The following SLCO3A1 variants were observed in gnomAD, a reference collection of about 807,000 sequenced individuals.
SLCO3A1 encodes the protein solute carrier organic anion transporter family member 3A1, also known as PGE1 transporter.
In SLCO3A1, 27 loss-of-function variants were observed where a neutral mutation model predicts 63.1. The observed-to-expected ratio is 0.43, with a 90% confidence interval of 0.32 to 0.59. SLCO3A1 has a LOEUF of 0.59. Among genes scored for constraint, SLCO3A1 ranks in the 20% least tolerant of loss-of-function variants. The probability of loss-of-function intolerance (pLI) is 0.09; values close to 1 mark genes in which losing one functional copy is unlikely to be tolerated. For missense variants in SLCO3A1, 773 were observed against 945.8 expected (o/e 0.82, Z 2.40); for synonymous variants, 473 against 409.9 (o/e 1.15, Z -1.86).
intron 1 of SLCO3A1, among the ~76,000 whole-genome samples, chr15:91,891,387 TCTTACCACTG>T (rs1289891422): frequency 6.6e-6 from 1 of 152,172 alleles, no homozygotes; most frequent in Non-Finnish European, 1.5e-5. Flanking sequence ...AGACCAATTC[TCTTACCACTG>T]CTTGAATCTC....
chr15:92,103,368 G>A (rs531072840), intron 3 of SLCO3A1, among the ~76,000 whole-genome samples: 1 of 152,188 alleles, frequency 6.6e-6, no homozygotes, highest in Non-Finnish European at 1.5e-5. Context: ...AGGGTAAGCT[G>A]AAGTTTATGT....
At chr15:92,140,676 A>C in intron 7 of SLCO3A1, among the ~76,000 whole-genome samples, 1 of 152,140 alleles carries the variant, frequency 6.6e-6, no homozygotes, top group East Asian at 1.9e-4. Flanking sequence ...TATTGGGTGC[A>C]TATATATTTA....
rs945508314 is a variant in SLCO3A1, at chr15:91,897,274, T to G, written c.181-18719T>G. Among the ~76,000 whole-genome samples the G allele has an allele frequency of 6.6e-6, 1 of 152,090 alleles. No individual in the cohort carries two copies. The highest frequency in any genetic ancestry group is 2.4e-5 in the African/African-American group (1 of 41,404). On this transcript the variant is annotated intron_variant, in intron 1 of 9. Transcript: ENST00000318445. This position sits in a 1 kb window ranked among gnomAD's most constrained non-coding sequence, Gnocchi z 4.7. ...AGCCTGGCCAACATGGTGGCCAGTTTAGTAGAGATGGGGATCTCTACTAAA... is the reference window on the plus strand; with the variant it reads ...AGCCTGGCCAACATGGTGGCCAGTTGAGTAGAGATGGGGATCTCTACTAAA...
intron 2 of SLCO3A1, among the ~76,000 whole-genome samples, chr15:92,031,797 A>C (rs2046652627): frequency 6.6e-6 from 1 of 152,164 alleles, no homozygotes; most frequent in Non-Finnish European, 1.5e-5. Context: ...CTTTCTCTGT[A>C]TTATAAATGA....
intron 9 of SLCO3A1, among the ~76,000 whole-genome samples, chr15:92,151,724 A>AAGATAACTTTTTTCCTTGAATAATAGG (rs2048308560): frequency 6.6e-6 from 1 of 152,222 alleles, no homozygotes; most frequent in Non-Finnish European, 1.5e-5. Context: ...GGCCAAGATC[A>AAGATAACTTTTTTCCTTGAATAATAGG]AGATAACTTT....
At chr15:91,861,635 T>C (rs1035069792) in intron 1 of SLCO3A1, among the ~76,000 whole-genome samples, 1 of 152,126 alleles carries the variant, frequency 6.6e-6, no homozygotes, top group African/African-American at 2.4e-5. Context: ...GCCCCACTTT[T>C]GTTGTTGTTG....
intron 1 of SLCO3A1, chr15:91,889,127 G>A (rs1376485022): frequency 1.7e-5 from 21 of 1,266,534 alleles, no homozygotes; most frequent in Admixed American, 1.2e-4. Flanking sequence ...CTAAGTGGAC[G>A]TGGATGGTTT....
At chr15:92,095,226 C>T (rs182878388) in intron 3 of SLCO3A1, among the ~76,000 whole-genome samples, 71 of 152,348 alleles carry the variant, frequency 4.7e-4, no homozygotes, top group African/African-American at 1.6e-3. Flanking sequence ...TGATTTTACT[C>T]CTCAAATCTG....
At chr15:92,113,032 G>A (rs2047748503) in intron 4 of SLCO3A1, among the ~76,000 whole-genome samples, 1 of 152,216 alleles carries the variant, frequency 6.6e-6, no homozygotes, top group African/African-American at 2.4e-5. Context: ...CTGGAGTAGT[G>A]AAAGCAGTTG....
At chr15:92,016,229 A>ATAGATAGAT (rs1555424401) in intron 2 of SLCO3A1, among the ~76,000 whole-genome samples, 4 of 79,092 alleles carry the variant, frequency 5.1e-5, no homozygotes, top group Non-Finnish European at 9.3e-5. Context: ...AGATAGATAG[A>ATAGATAGAT]TAGATAGATA....
At chr15:92,126,817 C>T (rs2047930125) in intron 6 of SLCO3A1, among the ~76,000 whole-genome samples, 1 of 152,158 alleles carries the variant, frequency 6.6e-6, no homozygotes, top group African/African-American at 2.4e-5. Context: ...GTGAGAATTG[C>T]CCTTAGAGGG....
Position 91,968,992 on chromosome 15 carries a change from G to A in SLCO3A1, c.646+52534G>A, listed in dbSNP as rs989240303. ...GCCTCCACCTACCTCCAACACAAGAGTTTGCTAACAGGTCCACACTGTGTT... is the reference window on the plus strand; with the variant it reads ...GCCTCCACCTACCTCCAACACAAGAATTTGCTAACAGGTCCACACTGTGTT... On this transcript the variant is annotated intron_variant, in intron 2 of 9. Coordinates refer to ENST00000318445, the MANE Select transcript of SLCO3A1 (RefSeq NM_013272.4). This position sits in a 1 kb window ranked among gnomAD's most constrained non-coding sequence, Gnocchi z 4.2. Among the ~76,000 whole-genome samples the A allele has an allele frequency of 6.6e-6, 1 of 152,152 alleles. No individual in the cohort carries two copies. The highest frequency in any genetic ancestry group is 6.5e-5 in the Admixed American group (1 of 15,284).
intron 2 of SLCO3A1, among the ~76,000 whole-genome samples, chr15:92,009,521 G>A (rs1345566899): frequency 6.6e-6 from 1 of 152,174 alleles, no homozygotes; most frequent in Non-Finnish European, 1.5e-5. Context: ...AGTAAACCAG[G>A]GATTCGTGTG....
At chr15:91,909,262 C>T (rs1367850341) in intron 1 of SLCO3A1, among the ~76,000 whole-genome samples, 4 of 152,150 alleles carry the variant, frequency 2.6e-5, no homozygotes, top group African/African-American at 9.7e-5. Context: ...CTACATGTGG[C>T]CTATGGACCA....
chr15:91,859,642 C>T lies in SLCO3A1; in HGVS notation c.180+5554C>T, dbSNP rs1897002450. On this transcript the variant is annotated intron_variant, in intron 1 of 9. Transcript: ENST00000318445. The surrounding 1 kb of genome is among the most constrained non-coding windows in gnomAD (Gnocchi z 5.1). ...TGACCTTGAGCTGTTTACTTAATCTCTGTGTACCTCAATTTTTCATTTTAT... is the reference window on the plus strand; with the variant it reads ...TGACCTTGAGCTGTTTACTTAATCTTTGTGTACCTCAATTTTTCATTTTAT... 6.6e-6 allele frequency among the ~76,000 whole-genome samples: 1 copy of T among 152,158 alleles called. No homozygotes were observed. Among genetic ancestry groups the T allele is most frequent in the Non-Finnish European group, 1.5e-5 (1 of 68,024 alleles).
At chr15:91,920,795 C>G (rs891378835) in intron 2 of SLCO3A1, among the ~76,000 whole-genome samples, 1 of 152,144 alleles carries the variant, frequency 6.6e-6, no homozygotes, top group Admixed American at 6.5e-5. Context: ...ATGAATAATC[C>G]CTATCCCTCT....
chr15:91,990,734 A>C (rs529890855), intron 2 of SLCO3A1, among the ~76,000 whole-genome samples: 2 of 151,854 alleles, frequency 1.3e-5, no homozygotes, highest in African/African-American at 4.8e-5. Context: ...TGGACATACC[A>C]TGATCAGACC....
intron 1 of SLCO3A1, among the ~76,000 whole-genome samples, chr15:91,898,329 C>T (rs942030028): frequency 3.9e-5 from 6 of 152,190 alleles, no homozygotes; most frequent in Non-Finnish European, 8.8e-5. Flanking sequence ...AGTGCATTTC[C>T]TTTTACATTT....
At position 92,137,659 on chromosome 15, in the gene SLCO3A1, T is replaced by C. The variant is rs1378121735; in HGVS notation, c.1512+9170T>C. On this transcript the variant is annotated intron_variant, in intron 7 of 9. Coordinates refer to ENST00000318445, the MANE Select transcript of SLCO3A1 (RefSeq NM_013272.4). ...TGTTGTGTCCTCACTTTTTAATGAT[T>C]GCCATTCTAACTGGTGTGAGATGGT... 1.9e-4 allele frequency among the ~76,000 whole-genome samples: 21 copies of C among 108,316 alleles called. 5 individuals carry two copies. The highest frequency in any genetic ancestry group is 1.1e-3 in the East Asian group (4 of 3,758). The allele number at this position is 108,316 out of a possible 152,430, so 71.1% of individuals were successfully genotyped here. A position where few individuals can be genotyped will look rare whatever the true frequency, so the allele number is the denominator to read the frequency against.
Sources: gnomAD v4.1 joint callset for allele counts (sites outside exome capture counted in the v4.1 genomes callset) on GRCh38, gnomAD v4.1.1 for gene constraint, Gnocchi (gnomAD v3.1) non-coding constraint, MANE v1.5 for transcripts, NCBI Gene and HGNC (gene_info 2026-07-23, HGNC 2026-07-21) for gene names.